Variants in UTRN observed in about 807,000 individuals in gnomAD.
The protein encoded by UTRN is dystrophin-related protein 1.
UTRN carries 283 observed loss-of-function variants against 463.9 expected under a neutral mutation model. The observed-to-expected ratio is 0.61, with a 90% CI of 0.55 to 0.67. The LOEUF is 0.67. Among genes scored for constraint, UTRN ranks in the 30% least tolerant of loss-of-function variants. UTRN has a pLI of 0.00. For missense variants in UTRN, 3,922 were observed against 4,084.3 expected, an observed-to-expected ratio of 0.96 and a Z score of 1.08; for synonymous variants, 1,442 against 1,431.5, an observed-to-expected ratio of 1.01 and a Z score of -0.17.
chr6:144,313,970 G>A (rs138797355), intron 2 of UTRN, among the ~76,000 whole-genome samples: 17 of 152,176 alleles, frequency 1.1e-4, no homozygotes, highest in African/African-American at 4.1e-4. Flanking sequence ...TACATGTTAT[G>A]TCTTTAATAC....
intron 65 of UTRN, among the ~76,000 whole-genome samples, chr6:144,815,778 C>T (rs1586688679): frequency 1.3e-5 from 2 of 152,340 alleles, no homozygotes; most frequent in East Asian, 3.9e-4. Flanking sequence ...TCCTAGTCCA[C>T]TGACTAAAAT....
intron 19 of UTRN, among the ~76,000 whole-genome samples, chr6:144,457,651 T>C (rs1788995212): frequency 1.3e-5 from 2 of 152,212 alleles, no homozygotes; most frequent in African/African-American, 4.8e-5. Flanking sequence ...AACAGTGAAC[T>C]TCTGCAATTG....
At position 144,839,346 on chromosome 6, in the gene UTRN, T is replaced by C. The variant is rs549422378; in HGVS notation, c.10177+62T>C. 56 of 1,397,014 alleles carry C rather than the reference T, an allele frequency of 4.0e-5. No homozygotes were observed. The South Asian group carries it at 6.1e-4, about 15-fold the overall frequency. 86.5% of individuals were successfully genotyped at this position (1,397,014 alleles called of 1,614,324 possible). A position where few individuals can be genotyped will look rare whatever the true frequency, so the allele number is the denominator to read the frequency against. ...TGCTTTGTGCTTTGCCATTAGTTTG[T>C]GTTTCCTGTTAAGTAACATTCCTAC... is the stretch of plus-strand genomic sequence containing the variant. On this transcript the variant is annotated intron_variant, in intron 72 of 74. Coordinates refer to ENST00000367545, the MANE Select transcript of UTRN (RefSeq NM_007124.3).
intron 64 of UTRN, among the ~76,000 whole-genome samples, chr6:144,801,387 GT>G (rs1300824062): frequency 6.6e-5 from 10 of 152,026 alleles, no homozygotes; most frequent in Admixed American, 5.9e-4. Context: ...GATTAGTTTA[GT>G]TGTAAAGAGA....
chr6:144,690,072 C>CTATT lies in UTRN; in HGVS notation c.7653-10014_7653-10013insATTT, dbSNP rs1428641511. On this transcript the variant is annotated intron_variant, in intron 52 of 74. Transcript: ENST00000367545. ...GGGGCCATAGAGCTCCCAAAAGTTT[C>CTATT]TGTTTTTTTTTTTTTTTTTTTTTTG... is the stretch of plus-strand genomic sequence containing the variant. 1.4e-3 allele frequency among the ~76,000 whole-genome samples: 49 copies of CTATT among 35,626 alleles called. 4 individuals are homozygous for CTATT. The highest frequency in any genetic ancestry group is 5.7e-3 in the South Asian group (4 of 698). 23.4% of individuals were successfully genotyped at this position (35,626 alleles called of 152,430 possible).
chr6:144,409,842 A>G (rs1276709052), intron 3 of UTRN, among the ~76,000 whole-genome samples: 1 of 152,238 alleles, frequency 6.6e-6, no homozygotes, highest in Non-Finnish European at 1.5e-5. Flanking sequence ...GGTTACCAAC[A>G]TAGAATACAG....
chr6:144,359,972 C>T (rs1778901602), intron 2 of UTRN, among the ~76,000 whole-genome samples: 1 of 151,810 alleles, frequency 6.6e-6, no homozygotes, highest in East Asian at 1.9e-4. Context: ...GATATATGTC[C>T]TGTAACAGAA....
rs1795134147 is a variant in UTRN, at chr6:144,511,183, A to G, written c.4944+60A>G. On this transcript the variant is annotated intron_variant, in intron 35 of 74. Coordinates refer to ENST00000367545, the MANE Select transcript of UTRN (RefSeq NM_007124.3). ...CTCCTCTCTTCTAGTTATTTTTTAAATGAATACAACTTTGATTAAATTTCA... is the reference window on the plus strand; with the variant it reads ...CTCCTCTCTTCTAGTTATTTTTTAAGTGAATACAACTTTGATTAAATTTCA... The G allele has an allele frequency of 2.9e-6, 4 of 1,376,734 alleles. No individual in the cohort carries two copies. The East Asian group carries it at 1.0e-4, about 36-fold the overall frequency. The allele number at this position is 1,376,734 out of a possible 1,614,324, so 85.3% of individuals were successfully genotyped here.
chr6:144,379,609 C>T (rs554275785), intron 2 of UTRN, among the ~76,000 whole-genome samples: 19 of 152,224 alleles, frequency 1.2e-4, no homozygotes, highest in East Asian at 7.7e-4. Flanking sequence ...CTCAAAAGTC[C>T]GACTCATCAC....
At position 144,797,915 on chromosome 6, in the gene UTRN, G is replaced by A. The variant is rs1386061247; in HGVS notation, c.9170G>A (p.Arg3057Gln). The A allele has an allele frequency of 5.6e-6, 9 of 1,614,114 alleles. No homozygotes were observed. Among genetic ancestry groups the A allele is most frequent in the East Asian group, 2.2e-5 (1 of 44,864 alleles). Residue 3057 changes from arginine (R) to glutamine (Q), a missense_variant, in exon 64 of 75, where the codon CGA (arginine) becomes CAA (glutamine). This residue lies in a region of UTRN where 1,309 missense variants were observed against 1,452.6 expected (regional missense o/e 0.90). Transcript: ENST00000367545. ...QSMVWLPVLH[R>Q]VAAAETAKHQ... ...ATGGTTTGGCTCCCAGTTTTACATC[G>A]AGTGGCAGCAGCGGAGACTGCAAAA...
At chr6:144,645,249 T>C (rs1056743146) in intron 51 of UTRN, among the ~76,000 whole-genome samples, 1 of 152,218 alleles carries the variant, frequency 6.6e-6, no homozygotes, top group Non-Finnish European at 1.5e-5. Context: ...ATTTTTGTTC[T>C]TAAGGACACT....
chr6:144,474,659 TAG>T lies in UTRN; in HGVS notation c.3240_3241del (p.Glu1080AspfsTer2). 1.2e-6 allele frequency: 2 copies of T among 1,613,744 alleles called. No homozygotes were observed. Among genetic ancestry groups the T allele is most frequent in the Non-Finnish European group, 1.7e-6 (2 of 1,179,840 alleles). ...TCATCTCTGAAAAACATGAAGGAAA[TAG>T]AGACTAATCTTCGAAGTGGTCCAGT... On this transcript the variant is annotated frameshift_variant, in exon 25 of 75. Coordinates refer to ENST00000367545, the MANE Select transcript of UTRN (RefSeq NM_007124.3). LOFTEE classifies it high-confidence loss of function.
intron 51 of UTRN, among the ~76,000 whole-genome samples, chr6:144,630,342 A>C (rs909362617): frequency 6.6e-6 from 1 of 152,226 alleles, no homozygotes; most frequent in Non-Finnish European, 1.5e-5. Flanking sequence ...CCTGCTAATA[A>C]AGACATACCT....
At chr6:144,609,023 C>G (rs1035997596) in intron 51 of UTRN, among the ~76,000 whole-genome samples, 3 of 152,174 alleles carry the variant, frequency 2.0e-5, no homozygotes, top group Non-Finnish European at 2.9e-5. Flanking sequence ...AGTAGCAATT[C>G]TTACCTATCA....
rs756124205 is a variant in UTRN, at chr6:144,458,891, T to G, written c.2406T>G (p.Ala802=). 6.2e-7 allele frequency: 1 copy of G among 1,613,934 alleles called. No homozygotes were observed. The highest frequency in any genetic ancestry group is 1.1e-5 in the South Asian group (1 of 90,998). ...RKIQLQEDIN[A]YFKQLDELEK... is the part of the protein sequence containing the mutation. Reference sequence around the variant, plus strand: ...TTCAGCTACAGGAAGATATAAATGCTTATTTCAAGCAGCTTGATGAGCTTG... The same window carrying G: ...TTCAGCTACAGGAAGATATAAATGCGTATTTCAAGCAGCTTGATGAGCTTG... The change falls in exon 20 of 75, where the codon GCT becomes GCG. Residue 802 remains alanine, a synonymous_variant. Transcript: ENST00000367545.
At chr6:144,816,733 C>CTTTTTTTTTTTTTTT (rs35967778) in intron 65 of UTRN, among the ~76,000 whole-genome samples, 5 of 132,090 alleles carry the variant, frequency 3.8e-5, no homozygotes, top group African/African-American at 1.4e-4. Flanking sequence ...AGCTTTTTTC[C>CTTTTTTTTTTTTTTT]TTTTTTTTTT....
chr6:144,474,425 T>C (rs1299975640), intron 24 of UTRN, among the ~76,000 whole-genome samples, 179 bp from the exon 25 acceptor site: 1 of 152,140 alleles, frequency 6.6e-6, no homozygotes, highest in Non-Finnish European at 1.5e-5. Flanking sequence ...GGCAGATGGC[T>C]ATATCAAGCA....
chr6:144,628,826 T>C (rs1776213519), intron 51 of UTRN, among the ~76,000 whole-genome samples: 1 of 152,162 alleles, frequency 6.6e-6, no homozygotes, highest in Admixed American at 6.5e-5. Context: ...CTCTTTGGGA[T>C]ACATTGGTCA....
chr6:144,784,018 G>A (rs1273260022), intron 61 of UTRN, among the ~76,000 whole-genome samples: 2 of 152,156 alleles, frequency 1.3e-5, no homozygotes, highest in Non-Finnish European at 2.9e-5. Flanking sequence ...CTCAGAAGAT[G>A]CTTTTTCATA....
Sources: gnomAD v4.1 joint callset for allele counts (sites outside exome capture counted in the v4.1 genomes callset) on GRCh38, gnomAD v4.1.1 for gene constraint, gnomAD v4.1.1 regional missense constraint, MANE v1.5 for transcripts, NCBI Gene and HGNC (gene_info 2026-07-23, HGNC 2026-07-21) for gene names.